The following GJB7 variants were observed in gnomAD, a reference collection of about 807,000 sequenced individuals.
GJB7 encodes gap junction protein beta 7.
For missense variants in GJB7, 253 were observed against 256.8 expected (o/e 0.99, Z 0.10); for synonymous variants, 87 against 95.2 (o/e 0.91, Z 0.50).
intron 2 of GJB7, among the ~76,000 whole-genome samples, chr6:87,294,561 C>T (rs1380867075): frequency 1.3e-5 from 2 of 152,234 alleles, no homozygotes; most frequent in Non-Finnish European, 2.9e-5. Flanking sequence ...TTAAACTTGA[C>T]CTTTATTTCT....
Position 87,290,540 on chromosome 6 carries a change from C to T in GJB7, c.-27-5601G>A, listed in dbSNP as rs527601210. On this transcript the variant is annotated intron_variant, in intron 2 of 2. Transcript: ENST00000525899. ...GGTTTGTTGTTATATTCTTAAGTGT[C>T]TACAAGAAGTTTATATGTACGTTCA... Among the ~76,000 whole-genome samples the T allele has an allele frequency of 5.3e-5, 8 of 150,380 alleles. No homozygotes were observed. The South Asian group carries it at 1.5e-3, about 27-fold the overall frequency.
At chr6:87,292,259 C>T (rs1279443292) in intron 2 of GJB7, among the ~76,000 whole-genome samples, 2 of 152,204 alleles carry the variant, frequency 1.3e-5, no homozygotes, top group African/African-American at 4.8e-5. Context: ...GAAGCTGGAA[C>T]AATGAGAGTG....
Position 87,283,901 on chromosome 6 carries a change from T to A in GJB7, c.*340A>T, listed in dbSNP as rs990525456. 12 of 172,930 alleles carry A rather than the reference T, an allele frequency of 6.9e-5. No homozygotes were observed. The highest frequency in any genetic ancestry group is 1.5e-4 in the Non-Finnish European group (12 of 81,914). The allele number at this position is 172,930 out of a possible 1,614,324, so 10.7% of individuals were successfully genotyped here. On this transcript the variant is annotated 3_prime_UTR_variant, in exon 3 of 3. Transcript: ENST00000525899. The stretch of plus-strand genomic sequence containing the variant: ...AGAATCCTGTTAGATTTCTTCAGAC[T>A]AATTTGCAATTACCTATTCTAAAAC...
At chr6:87,301,188 C>A (rs144766947) in intron 2 of GJB7, among the ~76,000 whole-genome samples, 2,523 of 152,200 alleles carry the variant, frequency 0.017, 53 homozygotes, top group African/African-American at 0.058. Context: ...GGGTGCAGGA[C>A]AGTGGGTGCA....
intron 1 of GJB7, 59 bp from the exon 2 acceptor site, chr6:87,323,102 C>A (rs1161143952): frequency 7.1e-6 from 1 of 141,594 alleles, no homozygotes; most frequent in Admixed American, 6.7e-5. Flanking sequence ...GCTTCCAATG[C>A]GTCTGTCTTT....
At chr6:87,301,831 C>A (rs1221352788) in intron 2 of GJB7, among the ~76,000 whole-genome samples, 1 of 152,234 alleles carries the variant, frequency 6.6e-6, no homozygotes, top group African/African-American at 2.4e-5. Flanking sequence ...TGAGACGAAG[C>A]TTCCAGAGGA....
intron 2 of GJB7, among the ~76,000 whole-genome samples, chr6:87,303,919 A>ACCTGTAACC (rs1186892434): frequency 6.6e-6 from 1 of 152,234 alleles, no homozygotes; most frequent in Non-Finnish European, 1.5e-5. Context: ...CTGCCCCTGA[A>ACCTGTAACC]TGACTACAGG....
At chr6:87,289,290 TG>T (rs1776122755) in intron 2 of GJB7, among the ~76,000 whole-genome samples, 1 of 152,222 alleles carries the variant, frequency 6.6e-6, no homozygotes, top group African/African-American at 2.4e-5. Flanking sequence ...TTTTCCCTCA[TG>T]CCACTTATAA....
intron 2 of GJB7, among the ~76,000 whole-genome samples, chr6:87,296,752 AG>A (rs1267431990): frequency 6.6e-6 from 1 of 152,166 alleles, no homozygotes; most frequent in Non-Finnish European, 1.5e-5. Context: ...TATTGACATG[AG>A]ACTATTAGGG....
intron 2 of GJB7, among the ~76,000 whole-genome samples, chr6:87,298,289 AC>A (rs1352576408): frequency 6.6e-6 from 1 of 152,250 alleles, no homozygotes; most frequent in African/African-American, 2.4e-5. Context: ...CCCAACATTC[AC>A]CTTCTCTATT....
chr6:87,321,851 G>A (rs1776669570), intron 2 of GJB7, among the ~76,000 whole-genome samples: 1 of 152,128 alleles, frequency 6.6e-6, no homozygotes, highest in Non-Finnish European at 1.5e-5. Flanking sequence ...GAGAGAGAGA[G>A]AAAGAGAGAG....
At chr6:87,318,750 G>T (rs538810138) in intron 2 of GJB7, among the ~76,000 whole-genome samples, 3 of 152,158 alleles carry the variant, frequency 2.0e-5, no homozygotes, top group Admixed American at 2.0e-4. Context: ...TTACCAAAAC[G>T]TGTAATTTTT....
At chr6:87,318,984 A>G (rs548447066) in intron 2 of GJB7, among the ~76,000 whole-genome samples, 1 of 152,368 alleles carries the variant, frequency 6.6e-6, no homozygotes, top group Admixed American at 6.5e-5. Flanking sequence ...AAAAAGCGCT[A>G]GTGGCATCAG....
At chr6:87,292,393 G>A (rs903944408) in intron 2 of GJB7, among the ~76,000 whole-genome samples, 5 of 152,082 alleles carry the variant, frequency 3.3e-5, no homozygotes, top group African/African-American at 9.7e-5. Flanking sequence ...CACTTCATAA[G>A]TCCTATTCTT....
At chr6:87,286,890 G>A (rs1033633206) in intron 2 of GJB7, among the ~76,000 whole-genome samples, 3 of 152,214 alleles carry the variant, frequency 2.0e-5, no homozygotes, top group African/African-American at 7.2e-5. Flanking sequence ...GCAGAGCAGG[G>A]CTCAAGTCTA....
intron 2 of GJB7, among the ~76,000 whole-genome samples, chr6:87,290,073 T>C (rs190027528): frequency 1.3e-5 from 2 of 152,348 alleles, no homozygotes; most frequent in Non-Finnish European, 2.9e-5. Context: ...TGACCATTTA[T>C]GCAGCATTTC....
chr6:87,328,598 A>C (rs1776902522), intron 1 of GJB7, among the ~76,000 whole-genome samples: 1 of 152,166 alleles, frequency 6.6e-6, no homozygotes, highest in South Asian at 2.1e-4. Context: ...TTGAGGAGGC[A>C]GTCTGCCTGT....
intron 2 of GJB7, among the ~76,000 whole-genome samples, chr6:87,304,250 GA>G: frequency 6.6e-6 from 1 of 152,058 alleles, no homozygotes; most frequent in Admixed American, 6.6e-5. Context: ...CTGGTTTTTT[GA>G]AAAGATCAAC....
rs184762082 is a variant in GJB7, at chr6:87,310,122, T to G, written c.-28+12744A>C. Among the ~76,000 whole-genome samples the G allele has an allele frequency of 5.9e-5, 9 of 152,290 alleles. No individual in the cohort carries two copies. In the East Asian group the frequency reaches 1.7e-3, roughly 29 times the overall value. ...ATCCATATGGAAAAAAAATTCATCTTGATTGCTAACTCACACGATACACAA... is the reference window on the plus strand; with the variant it reads ...ATCCATATGGAAAAAAAATTCATCTGGATTGCTAACTCACACGATACACAA... On this transcript the variant is annotated intron_variant, in intron 2 of 2. Transcript: ENST00000525899.
Sources: gnomAD v4.1 joint callset for allele counts (sites outside exome capture counted in the v4.1 genomes callset) on GRCh38, gnomAD v4.1.1 for gene constraint, MANE v1.5 for transcripts, NCBI Gene and HGNC (gene_info 2026-07-23, HGNC 2026-07-21) for gene names.